Variants in XRN1 observed in about 807,000 individuals in gnomAD.
The protein encoded by XRN1 is 5'-3' exoribonuclease 1, also known as strand-exchange protein 1 homolog.
Under a neutral mutation model 222.3 loss-of-function variants are expected in XRN1, and 67 were observed. That is an observed-to-expected ratio of 0.30 (90% CI 0.25 to 0.37). XRN1 has a LOEUF of 0.37. Ranked by LOEUF, XRN1 falls within the 10% of genes least tolerant of loss-of-function variation. The pLI is 1.00. For synonymous variants in XRN1, 643 were observed against 652.4 expected, an observed-to-expected ratio of 0.99 and a Z score of 0.22; for missense variants, 1,707 against 2,000.2, an observed-to-expected ratio of 0.85 and a Z score of 2.80.
chr3:142,443,544 G>A (rs562741569), intron 1 of XRN1, among the ~76,000 whole-genome samples: 1 of 152,280 alleles, frequency 6.6e-6, no homozygotes, highest in African/African-American at 2.4e-5. Flanking sequence ...CAAGGATCGG[G>A]ATGTAAACCC....
chr3:142,366,890 T>C (rs1243241531), intron 27 of XRN1, among the ~76,000 whole-genome samples: 1 of 152,150 alleles, frequency 6.6e-6, no homozygotes, highest in African/African-American at 2.4e-5. Context: ...ATCAGGCAAA[T>C]GAATAAGCTG....
In XRN1 at chr3:142,311,626, T is replaced by C. The variant is rs748445661; in HGVS notation, c.4970A>G (p.Glu1657Gly). The C allele has an allele frequency of 6.2e-7, 1 of 1,614,154 alleles. No homozygotes were observed. The highest frequency in any genetic ancestry group is 1.3e-5 in the African/African-American group (1 of 75,042). Reference protein sequence around the residue: ...IAQPASSFQVETASQGHSISH... With the variant: ...IAQPASSFQVGTASQGHSISH... ...TATACTATGGCCTTGAGAGGCAGTT[T>C]CAACTTGAAAAGAAGATGCAGGTTG... The change falls in exon 41 of 41, where the codon GAA becomes GGA. Residue 1657 changes from glutamate to glycine, a missense_variant. Physicochemically the swap from Glu to Gly is moderately conservative, Grantham distance 98 (BLOSUM62 -2). Transcript: ENST00000392981.
At chr3:142,383,010 C>A (rs947768151) in intron 22 of XRN1, among the ~76,000 whole-genome samples, 1 of 149,262 alleles carries the variant, frequency 6.7e-6, no homozygotes, top group South Asian at 2.1e-4. Context: ...GTTACAAAAT[C>A]GTTTCATCCA....
chr3:142,373,356 G>A lies in XRN1; in HGVS notation c.2979-2028C>T, dbSNP rs1392953712. ...AGGAGAGATAAAACTAAAAGGATCA[G>A]TCCAGAAGGTTTAAGATTGAACTAA... On this transcript the variant is annotated intron_variant, in intron 25 of 40. Transcript: ENST00000392981. Among the ~76,000 whole-genome samples the A allele has an allele frequency of 4.6e-5, 7 of 152,030 alleles. No homozygotes were observed. In the East Asian group the frequency reaches 1.3e-3, roughly 29 times the overall value.
rs1171481507 is a variant in XRN1, at chr3:142,447,385, G to A, written c.75+485C>T. Among the ~76,000 whole-genome samples the A allele has an allele frequency of 6.6e-6, 1 of 152,148 alleles. No individual in the cohort carries two copies. Among genetic ancestry groups the A allele is most frequent in the Admixed American group, 6.6e-5 (1 of 15,266 alleles). ...ACGTCGGAAAGTCTAGGCTCCGGGG[G>A]CCGGGTGGGCCGCGCTCTAGATCAG... On this transcript the variant is annotated intron_variant, in intron 1 of 40. Transcript: ENST00000392981. The surrounding 1 kb of genome is among the most constrained non-coding windows in gnomAD (Gnocchi z 4.2).
At position 142,384,559 on chromosome 3, in the gene XRN1, T is replaced by C. The variant is rs905269866; in HGVS notation, c.2466A>G (p.Lys822=). ...GEVRLEKQWS[K]QVVPFVYQTI... ...TTTGATAAACAAAAGGAACAACTTG[T>C]TTTGACCACTGTTTCTCTAGACGAA... The change falls in exon 21 of 41, where the codon AAA becomes AAG. Residue 822 remains lysine, a synonymous_variant. Transcript: ENST00000392981. The C allele has an allele frequency of 6.2e-7, 1 of 1,612,112 alleles. No homozygotes were observed. The highest frequency in any genetic ancestry group is 1.3e-5 in the African/African-American group (1 of 74,988).
In XRN1 at chr3:142,447,765, A is replaced by G. The variant is rs1445660041; in HGVS notation, c.75+105T>C. 3 of 1,319,166 alleles carry G rather than the reference A, an allele frequency of 2.3e-6. No individual in the cohort carries two copies. Among genetic ancestry groups the G allele is most frequent in the Admixed American group, 3.9e-5 (2 of 51,080 alleles). 81.7% of individuals were successfully genotyped at this position (1,319,166 alleles called of 1,614,324 possible). A position where few individuals can be genotyped will look rare whatever the true frequency, so the allele number is the denominator to read the frequency against. On this transcript the variant is annotated intron_variant, in intron 1 of 40. Transcript: ENST00000392981. This position sits in a 1 kb window ranked among gnomAD's most constrained non-coding sequence, Gnocchi z 4.2. ...CTCCCTAATGCCACTAATCGTCCAG[A>G]CGACGAGGGGAAAGAGGTGGCTCGA... is the stretch of plus-strand genomic sequence containing the variant.
At chr3:142,335,363 G>A in intron 34 of XRN1, 85 bp downstream of exon 34, 5 of 1,318,358 alleles carry the variant, frequency 3.8e-6, no homozygotes, top group Non-Finnish European at 5.4e-6. Flanking sequence ...TGGTTGAAAA[G>A]GTTGAGAAAT....
intron 27 of XRN1, among the ~76,000 whole-genome samples, chr3:142,369,994 C>T (rs2066939029): frequency 6.6e-6 from 1 of 151,118 alleles, no homozygotes; most frequent in Non-Finnish European, 1.5e-5. Context: ...TTGCAGTGAG[C>T]CGAGATCCTG....
At chr3:142,323,720 G>C (rs1482869654) in intron 37 of XRN1, among the ~76,000 whole-genome samples, 2 of 152,064 alleles carry the variant, frequency 1.3e-5, no homozygotes, top group Non-Finnish European at 2.9e-5. Context: ...GCATGTGCCT[G>C]TAATCCTAGC....
At chr3:142,420,953 C>T in intron 10 of XRN1, 63 bp downstream of exon 10, 1 of 1,595,118 alleles carries the variant, frequency 6.3e-7, no homozygotes, top group Non-Finnish European at 8.6e-7. Context: ...AAATGAGAAA[C>T]AAAGAATATA....
chr3:142,444,524 G>A (rs996103994), intron 1 of XRN1, among the ~76,000 whole-genome samples: 7 of 152,160 alleles, frequency 4.6e-5, no homozygotes, highest in Admixed American at 4.6e-4. Context: ...CACAAGACTT[G>A]CTTGAACCGG....
chr3:142,378,779 G>A (rs1273804639), intron 23 of XRN1, among the ~76,000 whole-genome samples: 1 of 152,078 alleles, frequency 6.6e-6, no homozygotes, highest in Non-Finnish European at 1.5e-5. Context: ...TGAAAGAGCT[G>A]AACAGGAGAA....
In XRN1 at chr3:142,369,051, G is replaced by A. The variant is rs573354644; in HGVS notation, c.3204+1434C>T. On this transcript the variant is annotated intron_variant, in intron 27 of 40. Transcript: ENST00000392981. Reference sequence around the variant, plus strand: ...CTAAGGTTATTAATATTGAAAAACCGATTCAAACTCAGGGTGTTAGGGGAG... The same window carrying A: ...CTAAGGTTATTAATATTGAAAAACCAATTCAAACTCAGGGTGTTAGGGGAG... Among the ~76,000 whole-genome samples the A allele has an allele frequency of 3.3e-5, 5 of 152,244 alleles. No individual in the cohort carries two copies. In the South Asian group the frequency reaches 1.0e-3, roughly 32 times the overall value.
chr3:142,403,828 C>T, intron 17 of XRN1, 41 bp downstream of exon 17: 3 of 1,611,438 alleles, frequency 1.9e-6, no homozygotes, highest in Non-Finnish European at 2.5e-6. Context: ...TCACTTCACA[C>T]TTAATAAAGT....
At position 142,425,685 on chromosome 3, in the gene XRN1, T is replaced by G. The variant is rs570180562; in HGVS notation, c.407-147A>C. 1.2e-5 allele frequency: 8 copies of G among 642,414 alleles called. No homozygotes were observed. In the South Asian group the frequency reaches 1.7e-4, roughly 14 times the overall value. 39.8% of individuals were successfully genotyped at this position (642,414 alleles called of 1,614,324 possible). A position where few individuals can be genotyped will look rare whatever the true frequency, so the allele number is the denominator to read the frequency against. On this transcript the variant is annotated intron_variant, in intron 3 of 40. Transcript: ENST00000392981. Reference sequence around the variant, plus strand: ...AGAAGGTCAAAAGCTCTCTTGCTTATCCTGAAAAACAAGTAATGTACTTTT... The same window carrying G: ...AGAAGGTCAAAAGCTCTCTTGCTTAGCCTGAAAAACAAGTAATGTACTTTT...
At chr3:142,364,142 G>A (rs897442731) in intron 29 of XRN1, among the ~76,000 whole-genome samples, 1 of 152,214 alleles carries the variant, frequency 6.6e-6, no homozygotes, top group Admixed American at 6.5e-5. Context: ...GTGATAGTGA[G>A]GGTTAAATGC....
intron 22 of XRN1, among the ~76,000 whole-genome samples, chr3:142,381,450 CCAGATTAGGAT>C (rs1388379031): frequency 2.6e-5 from 4 of 151,996 alleles, no homozygotes; most frequent in African/African-American, 2.4e-5. Context: ...ATTACAAGAT[CCAGATTAGGAT>C]CAGATATTGC....
chr3:142,313,395 C>G (rs564502671), intron 39 of XRN1, among the ~76,000 whole-genome samples: 1 of 152,094 alleles, frequency 6.6e-6, no homozygotes, highest in African/African-American at 2.4e-5. Flanking sequence ...GGGCCTCAGA[C>G]CTAGTAAGCC....
Sources: gnomAD v4.1 joint callset for allele counts (sites outside exome capture counted in the v4.1 genomes callset) on GRCh38, gnomAD v4.1.1 for gene constraint, Gnocchi (gnomAD v3.1) non-coding constraint, MANE v1.5 for transcripts, NCBI Gene and HGNC (gene_info 2026-07-23, HGNC 2026-07-21) for gene names.